Variants in CDH13 observed in about 807,000 individuals in gnomAD.
The protein encoded by CDH13 is cadherin-13.
Under a neutral mutation model 63.8 loss-of-function variants are expected in CDH13, and 24 were observed. The observed-to-expected ratio is 0.38, with a 90% CI of 0.27 to 0.53. The LOEUF (loss-of-function observed/expected upper bound fraction) is 0.53. Among genes scored for constraint, CDH13 ranks in the 20% least tolerant of loss-of-function variants. The pLI, the probability that CDH13 is intolerant of heterozygous loss-of-function variation, is 0.85. For missense variants in CDH13, 1,049 were observed against 903.1 expected, an observed-to-expected ratio of 1.16 and a Z score of -2.07; for synonymous variants, 503 against 355.3, an observed-to-expected ratio of 1.42 and a Z score of -4.67.
At chr16:82,842,531 C>A (rs1010796343) in intron 1 of CDH13, among the ~76,000 whole-genome samples, 1 of 152,052 alleles carries the variant, frequency 6.6e-6, no homozygotes, top group African/African-American at 2.4e-5. Context: ...ACTCACCCCT[C>A]CATGAGGACT....
rs1051826962 is a variant in CDH13, at chr16:83,272,883, T to C, written c.636+55386T>C. Among the ~76,000 whole-genome samples the C allele has an allele frequency of 1.1e-4, 17 of 152,218 alleles. 1 individual carries two copies. Among genetic ancestry groups the C allele is most frequent in the African/African-American group, 4.1e-4 (17 of 41,466 alleles). ...CCCTGTGGGGATTTTAGACGTGGAT[T>C]GTACTCTGAGAGCTAATGATGAGTT... On this transcript the variant is annotated intron_variant, in intron 5 of 13. Transcript: ENST00000567109.
intron 10 of CDH13, among the ~76,000 whole-genome samples, chr16:83,681,588 C>A (rs1286391175): frequency 4.6e-5 from 7 of 152,108 alleles, no homozygotes; most frequent in South Asian, 2.1e-4. Context: ...TCCTACCCAC[C>A]TTTCCCTCCT....
In CDH13 at chr16:83,371,058, A is replaced by G. The variant is rs146371663; in HGVS notation, c.781+26052A>G. 7.8e-3 allele frequency among the ~76,000 whole-genome samples: 1,185 copies of G among 152,386 alleles called. 9 individuals are homozygous for G. Among genetic ancestry groups the G allele is most frequent in the Non-Finnish European group, 0.012 (790 of 68,040 alleles). Reference sequence around the variant, plus strand: ...AACAGGTGCTGGCAAGGTTGCAGAAAAAAAGGGAACATTTTTACACTGCTA... The same window carrying G: ...AACAGGTGCTGGCAAGGTTGCAGAAGAAAAGGGAACATTTTTACACTGCTA... On this transcript the variant is annotated intron_variant, in intron 6 of 13. Coordinates refer to ENST00000567109, the MANE Select transcript of CDH13 (RefSeq NM_001257.5).
intron 2 of CDH13, among the ~76,000 whole-genome samples, chr16:82,964,765 G>A (rs561107317): frequency 1.3e-5 from 2 of 152,220 alleles, no homozygotes; most frequent in East Asian, 1.9e-4. Flanking sequence ...AAATATATCC[G>A]ACAGGAAAAA....
At chr16:82,901,604 T>C (rs892023718) in intron 2 of CDH13, among the ~76,000 whole-genome samples, 6 of 152,164 alleles carry the variant, frequency 3.9e-5, no homozygotes, top group Admixed American at 6.5e-5. Flanking sequence ...TGGGGTATAA[T>C]AATTGCTCAA....
chr16:83,302,417 C>G (rs2089771162), intron 5 of CDH13, among the ~76,000 whole-genome samples: 1 of 152,198 alleles, frequency 6.6e-6, no homozygotes, highest in Non-Finnish European at 1.5e-5. Context: ...TTAGTCGAAT[C>G]TGACTTGTAA....
At chr16:83,155,076 T>C (rs1011993722) in intron 4 of CDH13, among the ~76,000 whole-genome samples, 1 of 152,254 alleles carries the variant, frequency 6.6e-6, no homozygotes, top group Admixed American at 6.5e-5. Context: ...GAAAACCACT[T>C]CTGTGGGAAC....
rs116328162 is a variant in CDH13 at position 82,732,018 on chromosome 16, G to A, written c.45+104881G>A. 4.7e-3 allele frequency among the ~76,000 whole-genome samples: 711 copies of A among 152,212 alleles called. 6 individuals are homozygous for A. Among genetic ancestry groups the A allele is most frequent in the African/African-American group, 0.016 (680 of 41,534 alleles). ...TCCTTCTTTGATCTGCAGCTTAAAT[G>A]TGACTTCTTCAAAAAAGACTTCTTT... is the stretch of plus-strand genomic sequence containing the variant. On this transcript the variant is annotated intron_variant, in intron 1 of 13. Transcript: ENST00000567109.
intron 2 of CDH13, among the ~76,000 whole-genome samples, chr16:82,874,256 G>A (rs9921828): frequency 0.74 from 111,908 of 151,972 alleles, 41,541 homozygotes; most frequent in East Asian, 0.88. Context: ...GAGTCTCTTG[G>A]ATTTCAGAAT....
At chr16:83,268,278 A>G (rs118082351) in intron 5 of CDH13, among the ~76,000 whole-genome samples, 3 of 152,310 alleles carry the variant, frequency 2.0e-5, no homozygotes, top group Non-Finnish European at 4.4e-5. Context: ...AGGAACTTCC[A>G]TGGAAGTATG....
chr16:82,688,860 A>G (rs529986559), intron 1 of CDH13: 2 of 152,310 alleles, frequency 1.3e-5, no homozygotes, highest in African/African-American at 4.8e-5. Flanking sequence ...GGAACAGGGT[A>G]ACCATGTGAC....
chr16:82,725,997 C>T (rs2033074304), intron 1 of CDH13, among the ~76,000 whole-genome samples: 1 of 152,078 alleles, frequency 6.6e-6, no homozygotes. Context: ...CAGAGGGTGG[C>T]CGTGCCATTC....
chr16:82,849,356 G>C (rs1179526050), intron 1 of CDH13, among the ~76,000 whole-genome samples: 1 of 152,088 alleles, frequency 6.6e-6, no homozygotes, highest in African/African-American at 2.4e-5. Context: ...ACAAAAATTA[G>C]CTGGGTGTGG....
intron 2 of CDH13, among the ~76,000 whole-genome samples, chr16:82,977,948 AT>A (rs1909749510): frequency 6.6e-6 from 1 of 152,188 alleles, no homozygotes; most frequent in South Asian, 2.1e-4. Context: ...TGATAGTGAT[AT>A]GGACAATGAA....
At chr16:82,779,220 C>T (rs891752823) in intron 1 of CDH13, among the ~76,000 whole-genome samples, 1 of 152,132 alleles carries the variant, frequency 6.6e-6, no homozygotes, top group South Asian at 2.1e-4. Flanking sequence ...ACTATTTTCC[C>T]CATTTTCTAG....
At chr16:83,254,994 T>TGCAG (rs1491130672) in intron 5 of CDH13, among the ~76,000 whole-genome samples, 1 of 18,626 alleles carries the variant, frequency 5.4e-5, no homozygotes, top group Non-Finnish European at 2.1e-4. Context: ...TTTCTTTCTT[T>TGCAG]CTTTCTTTCT....
At chr16:83,097,185 C>A (rs1348160695) in intron 3 of CDH13, among the ~76,000 whole-genome samples, 1 of 152,156 alleles carries the variant, frequency 6.6e-6, no homozygotes, top group Non-Finnish European at 1.5e-5. Flanking sequence ...TAAAAGGAAG[C>A]ATTGAGTCTA....
chr16:82,720,900 A>G (rs1411590038), intron 1 of CDH13, among the ~76,000 whole-genome samples: 1 of 152,322 alleles, frequency 6.6e-6, no homozygotes, highest in East Asian at 1.9e-4. Flanking sequence ...GGTAAATAGT[A>G]GATGCTCAGT....
chr16:83,496,158 A>G (rs1420173790), intron 7 of CDH13, among the ~76,000 whole-genome samples: 1 of 152,134 alleles, frequency 6.6e-6, no homozygotes, highest in East Asian at 1.9e-4. Context: ...GGAAAAAACT[A>G]CTTTAAAGTA....
Sources: allele counts gnomAD v4.1 joint callset (sites outside exome capture counted in the v4.1 genomes callset), GRCh38; gene constraint gnomAD v4.1.1; transcripts MANE v1.5; gene names NCBI Gene and HGNC (gene_info 2026-07-23, HGNC 2026-07-21).